ALK: variants seen among roughly 807,000 people sequenced by gnomAD.
ALK encodes the protein ALK receptor tyrosine kinase, also known as ALK tyrosine kinase receptor.
ALK carries 74 observed loss-of-function variants against 163.1 expected under a neutral mutation model. That is an observed-to-expected ratio of 0.45 (90% CI 0.38 to 0.55). ALK has a LOEUF of 0.55. ALK is among the 20% of genes least tolerant of loss of function. The pLI, the probability that ALK is intolerant of heterozygous loss-of-function variation, is 0.00. For synonymous variants in ALK, 960 were observed against 843.2 expected (o/e 1.14, Z -2.40); for missense variants, 2,063 against 2,105.3 (o/e 0.98, Z 0.39).
chr2:29,278,267 G>A (rs1665595036), intron 9 of ALK, among the ~76,000 whole-genome samples: 1 of 152,128 alleles, frequency 6.6e-6, no homozygotes, highest in South Asian at 2.1e-4. Flanking sequence ...TGAGGAAGGA[G>A]GTAAAGATGG....
At chr2:29,643,753 T>C (rs1676788026) in intron 3 of ALK, among the ~76,000 whole-genome samples, 2 of 151,882 alleles carry the variant, frequency 1.3e-5, no homozygotes, top group African/African-American at 4.8e-5. Flanking sequence ...TCCCAACAGG[T>C]GATGGAGAGG....
At chr2:29,572,878 C>A (rs1413068280) in intron 3 of ALK, among the ~76,000 whole-genome samples, 1 of 152,172 alleles carries the variant, frequency 6.6e-6, no homozygotes, top group East Asian at 1.9e-4. Context: ...TTCACGCAGC[C>A]CTGGACAGCG....
chr2:29,857,215 C>A (rs1666163483), intron 1 of ALK, among the ~76,000 whole-genome samples: 1 of 152,078 alleles, frequency 6.6e-6, no homozygotes, highest in Non-Finnish European at 1.5e-5. Flanking sequence ...GGGAAGGAAT[C>A]TTAAGATCCT....
At chr2:29,367,730 C>T (rs10189429) in intron 5 of ALK, among the ~76,000 whole-genome samples, 7,489 of 152,154 alleles carry the variant, frequency 0.049, 223 homozygotes, top group African/African-American at 0.074. Flanking sequence ...CCCATTCTTG[C>T]AATTTATTAT....
chr2:29,212,860 C>G (rs2924373), intron 24 of ALK, among the ~76,000 whole-genome samples: 30,617 of 151,980 alleles, frequency 0.2, 3,331 homozygotes, highest in Middle Eastern at 0.36. Flanking sequence ...CGTCCCCCAC[C>G]ATGCCTGGCT....
intron 4 of ALK, among the ~76,000 whole-genome samples, chr2:29,439,226 C>T (rs1257483281): frequency 6.6e-6 from 1 of 152,114 alleles, no homozygotes; most frequent in East Asian, 1.9e-4. Flanking sequence ...CATGTAGCTG[C>T]TTTAAATAGA....
chr2:29,370,314 G>T (rs143572670), intron 5 of ALK, among the ~76,000 whole-genome samples: 9 of 152,272 alleles, frequency 5.9e-5, no homozygotes, highest in African/African-American at 2.2e-4. Context: ...AGACAAACTG[G>T]CCCCCTCTAA....
chr2:29,801,423 A>G (rs1210358816), intron 1 of ALK, among the ~76,000 whole-genome samples: 1 of 152,218 alleles, frequency 6.6e-6, no homozygotes, highest in African/African-American at 2.4e-5. Context: ...GCTCCTACCT[A>G]TACTGAGCAA....
chr2:29,526,793 A>G (rs1020479633), intron 4 of ALK, among the ~76,000 whole-genome samples: 1 of 152,244 alleles, frequency 6.6e-6, no homozygotes, highest in African/African-American at 2.4e-5. Context: ...GGCTGACTGA[A>G]GTTCAACCCA....
rs778474356 is a variant in ALK at position 29,694,837 on chromosome 2, G to A, written c.952+13C>T. The stretch of plus-strand genomic sequence containing the variant: ...TGACCCACCCAGGACATCACCAGCA[G>A]CCTCTCCCTTACCTCTGGGCATCTC... On this transcript the variant is annotated intron_variant, in intron 3 of 28. Coordinates refer to ENST00000389048, the MANE Select transcript of ALK (RefSeq NM_004304.5). The A allele has an allele frequency of 1.2e-6, 2 of 1,613,364 alleles. No individual in the cohort carries two copies. Among genetic ancestry groups the A allele is most frequent in the Non-Finnish European group, 1.7e-6 (2 of 1,179,972 alleles).
At chr2:29,659,506 GCA>G (rs1677283904) in intron 3 of ALK, among the ~76,000 whole-genome samples, 1 of 152,140 alleles carries the variant, frequency 6.6e-6, no homozygotes, top group Non-Finnish European at 1.5e-5. Context: ...CTTTCTGTGA[GCA>G]GCCCCTTAAG....
At chr2:29,426,705 T>C (rs955479112) in intron 4 of ALK, among the ~76,000 whole-genome samples, 1 of 152,146 alleles carries the variant, frequency 6.6e-6, no homozygotes, top group Non-Finnish European at 1.5e-5. Flanking sequence ...AAGACTTTTT[T>C]AATACATAGT....
intron 4 of ALK, among the ~76,000 whole-genome samples, chr2:29,511,196 G>A (rs1672501267): frequency 1.3e-5 from 2 of 151,954 alleles, no homozygotes; most frequent in Admixed American, 6.6e-5. Context: ...TTGTTACACT[G>A]AGAAACCACA....
chr2:29,586,022 A>G (rs1674876897), intron 3 of ALK, among the ~76,000 whole-genome samples: 3 of 152,192 alleles, frequency 2.0e-5, no homozygotes, highest in African/African-American at 7.2e-5. Flanking sequence ...TAACAGCATA[A>G]AAAGCATGCC....
intron 5 of ALK, among the ~76,000 whole-genome samples, chr2:29,332,194 G>A (rs1667460858): frequency 6.9e-6 from 1 of 145,370 alleles, no homozygotes; most frequent in Admixed American, 7.3e-5. Flanking sequence ...ACTGAGGCAG[G>A]AGAACCGCTT....
chr2:29,525,615 C>A (rs1363305427), intron 4 of ALK, among the ~76,000 whole-genome samples: 1 of 151,714 alleles, frequency 6.6e-6, no homozygotes, highest in Non-Finnish European at 1.5e-5. Flanking sequence ...GATGGTAAAA[C>A]CCTGTCTCTA....
At chr2:29,894,458 G>A (rs1416228793) in intron 1 of ALK, among the ~76,000 whole-genome samples, 1 of 152,060 alleles carries the variant, frequency 6.6e-6, no homozygotes, top group East Asian at 1.9e-4. Flanking sequence ...CATGAGAAAT[G>A]GAGGTTAAGC....
rs758871506 is a variant in ALK, at chr2:29,222,601, C to T, written c.3366G>A (p.Leu1122=). The change falls in exon 21 of 29, where the codon CTG becomes CTA. Residue 1122 remains leucine (L), a synonymous_variant. Coordinates refer to ENST00000389048, the MANE Select transcript of ALK (RefSeq NM_004304.5). ...ACACCTCCCCAAAGGCGCCATGGCC[C>T]AGACCCCTGTGCAAAGGAGAAGACA... is the stretch of plus-strand genomic sequence containing the variant. The part of the protein sequence containing the change: ...PRKNITLIRG[L]GHGAFGEVYE... The T allele has an allele frequency of 1.2e-6, 2 of 1,613,654 alleles. No individual in the cohort carries two copies. Among genetic ancestry groups the T allele is most frequent in the Non-Finnish European group, 1.7e-6 (2 of 1,179,938 alleles).
chr2:29,531,386 T>C (rs935772862), intron 4 of ALK, among the ~76,000 whole-genome samples: 2 of 152,152 alleles, frequency 1.3e-5, no homozygotes, highest in Admixed American at 1.3e-4. Flanking sequence ...TCCACTGTCA[T>C]ATGTCTTGGT....
Sources: gnomAD v4.1 joint callset for allele counts (sites outside exome capture counted in the v4.1 genomes callset) on GRCh38, gnomAD v4.1.1 for gene constraint, MANE v1.5 for transcripts, NCBI Gene and HGNC (gene_info 2026-07-23, HGNC 2026-07-21) for gene names.